SOS2: variants seen among roughly 807,000 people sequenced by gnomAD.
SOS2 encodes the protein son of sevenless homolog 2.
In SOS2, 65 loss-of-function variants were observed where a neutral mutation model predicts 148.2. The ratio of observed to expected loss-of-function variants is 0.44; its 90% confidence interval spans 0.36 to 0.54. SOS2 has a LOEUF of 0.54. Ranked by LOEUF, SOS2 falls within the 20% of genes least tolerant of loss-of-function variation. The pLI is 0.00. For missense variants in SOS2, 1,341 were observed against 1,590.2 expected, an observed-to-expected ratio of 0.84 and a Z score of 2.67; for synonymous variants, 539 against 537.1, an observed-to-expected ratio of 1.00 and a Z score of -0.05.
chr14:50,145,415 T>C, intron 15 of SOS2, 62 bp downstream of exon 15: 1 of 1,563,416 alleles, frequency 6.4e-7, no homozygotes, highest in Middle Eastern at 1.7e-4. Flanking sequence ...GCCAGAATTT[T>C]AGCTTAAATA....
At position 50,120,334 on chromosome 14, in the gene SOS2, G is replaced by C; in HGVS notation, c.3430C>G (p.Leu1144Val). The change falls in exon 22 of 23, where the codon CTG becomes GTG. Residue 1144 changes from leucine (L) to valine (V), a missense_variant. Around this residue, in one of 4 missense-constraint regions of SOS2, gnomAD observed 354 missense variants for 347.7 expected, o/e 1.02. Transcript: ENST00000216373. ...GSLHKLSEEPLIPPPLPPRKK... is the reference protein window; with the variant it reads ...GSLHKLSEEPVIPPPLPPRKK... ...CGAGGAGGAAGAGGAGGAGGAATCA[G>C]GGGCTCTTCACTTAGTTTATGTAAA... 6.2e-7 allele frequency: 1 copy of C among 1,609,122 alleles called. No homozygotes were observed. Among genetic ancestry groups the C allele is most frequent in the African/African-American group, 1.3e-5 (1 of 74,832 alleles).
intron 1 of SOS2, among the ~76,000 whole-genome samples, chr14:50,210,058 A>AT (rs1886816718): frequency 6.6e-6 from 1 of 152,250 alleles, no homozygotes; most frequent in African/African-American, 2.4e-5. Flanking sequence ...TAAGAAAATC[A>AT]GTCATATATT....
chr14:50,199,357 G>T (rs142287775), intron 4 of SOS2, among the ~76,000 whole-genome samples: 2 of 152,206 alleles, frequency 1.3e-5, no homozygotes, highest in African/African-American at 2.4e-5. Context: ...CCAAAGTAGG[G>T]TCTTCAAAAT....
intron 2 of SOS2, among the ~76,000 whole-genome samples, chr14:50,203,591 G>GAT (rs5808542): frequency 2.1e-3 from 313 of 149,806 alleles, no homozygotes; most frequent in Admixed American, 7.2e-3. Flanking sequence ...CAGTTTTTCA[G>GAT]ATATATATAT....
chr14:50,147,118 G>T (rs1285737872), intron 14 of SOS2, among the ~76,000 whole-genome samples: 1 of 151,806 alleles, frequency 6.6e-6, no homozygotes, highest in African/African-American at 2.4e-5. Context: ...GACTGCTTGA[G>T]CCTAGAGTCT....
intron 19 of SOS2, among the ~76,000 whole-genome samples, chr14:50,133,126 G>A (rs1883942617): frequency 1.3e-5 from 2 of 151,718 alleles, no homozygotes; most frequent in Admixed American, 1.3e-4. Context: ...AAAGTGTCCT[G>A]AACTTGAGGA....
chr14:50,204,061 T>G (rs1416709216), intron 2 of SOS2, among the ~76,000 whole-genome samples: 2 of 152,074 alleles, frequency 1.3e-5, no homozygotes, highest in African/African-American at 4.8e-5. Context: ...CAAGGTTTTT[T>G]CCCCTCATAA....
intron 1 of SOS2, among the ~76,000 whole-genome samples, chr14:50,208,416 C>T (rs1595024906): frequency 6.6e-6 from 1 of 152,158 alleles, no homozygotes; most frequent in Non-Finnish European, 1.5e-5. Flanking sequence ...CTTTGGGAGG[C>T]TGAGACGGGG....
intron 1 of SOS2, among the ~76,000 whole-genome samples, chr14:50,213,288 GT>G (rs1481240210): frequency 6.6e-6 from 1 of 152,066 alleles, no homozygotes; most frequent in African/African-American, 2.4e-5. Context: ...TAGAAAACTG[GT>G]AAAAAGTTTG....
chr14:50,162,904 T>G (rs1450895613), intron 8 of SOS2, among the ~76,000 whole-genome samples: 3 of 151,014 alleles, frequency 2.0e-5, no homozygotes, highest in Non-Finnish European at 4.4e-5. Flanking sequence ...TTGATTTTTT[T>G]TTTTTTTTTT....
At chr14:50,200,338 C>T (rs1886448511) in intron 3 of SOS2, among the ~76,000 whole-genome samples, 1 of 152,020 alleles carries the variant, frequency 6.6e-6, no homozygotes, top group Non-Finnish European at 1.5e-5. Flanking sequence ...ACATATTTTG[C>T]CCTATGCGTT....
At chr14:50,142,709 C>T (rs1277429029) in intron 16 of SOS2, among the ~76,000 whole-genome samples, 1 of 152,186 alleles carries the variant, frequency 6.6e-6, no homozygotes. Flanking sequence ...TTTAATCATT[C>T]TCTTACTGAT....
intron 10 of SOS2, 82 bp downstream of exon 10, chr14:50,159,349 A>C (rs1203053552): frequency 3.5e-6 from 3 of 855,064 alleles, no homozygotes; most frequent in Non-Finnish European, 3.6e-6. Context: ...TTTTTTCCCC[A>C]AGCCTCAAAT....
In SOS2 at chr14:50,161,537, G is replaced by C. The variant is rs765776650; in HGVS notation, c.1141C>G (p.Leu381Val). ...LNQAITALMN[L>V]QGSMDRIYKQ... ...TAAATTCGGTCCATGCTACCTTGGA[G>C]ATTCATGAGAGCAGTAATAGCTTGG... is the stretch of plus-strand genomic sequence containing the variant. Residue 381 changes from leucine (L) to valine (V), a missense_variant, in exon 9 of 23, where the codon CTC (leucine) becomes GTC (valine). Coordinates refer to ENST00000216373, the MANE Select transcript of SOS2 (RefSeq NM_006939.4). 1 of 1,612,050 alleles carries C rather than the reference G, an allele frequency of 6.2e-7. No individual in the cohort carries two copies. Among genetic ancestry groups the C allele is most frequent in the South Asian group, 1.1e-5 (1 of 91,032 alleles).
chr14:50,120,736 CTTTTTTTTTTTT>C (rs34012845), intron 21 of SOS2, among the ~76,000 whole-genome samples: 1 of 107,500 alleles, frequency 9.3e-6, no homozygotes, highest in Admixed American at 1.1e-4. Context: ...AATCAGAGAC[CTTTTTTTTTTTT>C]TTTTTTTTTG....
At chr14:50,174,627 C>A in intron 7 of SOS2, 75 bp from the exon 8 acceptor site, 1 of 777,476 alleles carries the variant, frequency 1.3e-6, no homozygotes, top group Non-Finnish European at 2.1e-6. Context: ...CTAACAGAAA[C>A]GTCTACTAAA....
intron 8 of SOS2, among the ~76,000 whole-genome samples, chr14:50,168,083 G>C (rs561833820): frequency 6.6e-6 from 1 of 152,242 alleles, no homozygotes; most frequent in African/African-American, 2.4e-5. Flanking sequence ...TTCCTCTTGA[G>C]AGAGAATAAT....
chr14:50,212,340 G>T (rs1275583938), intron 1 of SOS2, among the ~76,000 whole-genome samples: 1 of 152,216 alleles, frequency 6.6e-6, no homozygotes, highest in Non-Finnish European at 1.5e-5. Flanking sequence ...TGGTCATGGT[G>T]GTGCACACCT....
intron 7 of SOS2, among the ~76,000 whole-genome samples, chr14:50,178,440 T>A (rs533915811): frequency 5.9e-5 from 9 of 152,128 alleles, no homozygotes; most frequent in African/African-American, 2.2e-4. Context: ...CTCTTTTCTT[T>A]ATAAATCACC....
Sources: allele counts gnomAD v4.1 joint callset (sites outside exome capture counted in the v4.1 genomes callset), GRCh38; gene constraint gnomAD v4.1.1; regional missense constraint gnomAD v4.1.1; transcripts MANE v1.5; gene names NCBI Gene and HGNC (gene_info 2026-07-23, HGNC 2026-07-21).